SLA2: variants seen among roughly 807,000 people sequenced by gnomAD.
SLA2 encodes src-like-adapter 2.
SLA2 carries 22 observed loss-of-function variants against 27.3 expected under a neutral mutation model. The ratio of observed to expected loss-of-function variants is 0.81; its 90% CI spans 0.58 to 1.15. The LOEUF is 1.15. SLA2 is among the 50% of genes most tolerant of loss of function. The probability of loss-of-function intolerance (pLI) is 0.00; values close to 1 mark genes in which losing one functional copy is unlikely to be tolerated. For synonymous variants in SLA2, 131 were observed against 137.8 expected, an observed-to-expected ratio of 0.95 and a Z score of 0.34; for missense variants, 304 against 322.2, an observed-to-expected ratio of 0.94 and a Z score of 0.43.
Position 36,641,279 on chromosome 20 carries a change from AGAG to A in SLA2, c.54_56del (p.Ser19del), listed in dbSNP as rs762165716. 7.3e-4 allele frequency: 1,178 copies of A among 1,614,146 alleles called. 1 individual carries two copies. The highest frequency in any genetic ancestry group is 9.4e-4 in the Non-Finnish European group (1,111 of 1,179,976). ...TGGTCACAGGTCCCTGGCCTTGGAC[AGAG>A]GAACTCAAGCTTGGGCTTGGCAGAG... On this transcript the variant is annotated inframe_deletion, in exon 2 of 8. Transcript: ENST00000262866.
chr20:36,636,188 C>T (rs977618583), intron 2 of SLA2, among the ~76,000 whole-genome samples: 2 of 150,944 alleles, frequency 1.3e-5, no homozygotes, highest in African/African-American at 2.5e-5. Context: ...GAGGCCGAGG[C>T]GGGTGGATCA....
chr20:36,639,247 C>T (rs140205127), intron 2 of SLA2, among the ~76,000 whole-genome samples: 4 of 152,274 alleles, frequency 2.6e-5, no homozygotes, highest in East Asian at 3.9e-4. Flanking sequence ...ACAAGACTGA[C>T]GTCCTTTGAG....
chr20:36,619,699 C>G (rs1250790787), intron 5 of SLA2, among the ~76,000 whole-genome samples: 1 of 149,982 alleles, frequency 6.7e-6, no homozygotes, highest in Non-Finnish European at 1.5e-5. Context: ...GGCGCCATCT[C>G]GGCTCACTGC....
At chr20:36,632,048 C>G (rs746226356) in intron 5 of SLA2, among the ~76,000 whole-genome samples, 3 of 152,190 alleles carry the variant, frequency 2.0e-5, no homozygotes, top group Non-Finnish European at 2.9e-5. Flanking sequence ...AGGTGGCCCA[C>G]AGAACACACT....
chr20:36,633,533 G>T lies in SLA2; in HGVS notation c.278+10C>A. ...AAGCTCTGCAAGGCGGGCCTGGGGT[G>T]GGAACTCACCCATGGGAGACTTTGG... On this transcript the variant is annotated intron_variant, in intron 4 of 7. Coordinates refer to ENST00000262866, the MANE Select transcript of SLA2 (RefSeq NM_032214.4). The T allele has an allele frequency of 6.2e-7, 1 of 1,611,588 alleles. No homozygotes were observed. The highest frequency in any genetic ancestry group is 8.5e-7 in the Non-Finnish European group (1 of 1,177,678).
intron 2 of SLA2, among the ~76,000 whole-genome samples, chr20:36,637,573 A>G (rs1385625764): frequency 6.6e-6 from 1 of 150,390 alleles, no homozygotes; most frequent in Non-Finnish European, 1.5e-5. Flanking sequence ...ACATATTTGC[A>G]GGCACATTGA....
intron 2 of SLA2, among the ~76,000 whole-genome samples, chr20:36,639,654 C>T (rs1291186511): frequency 6.6e-6 from 1 of 151,244 alleles, no homozygotes; most frequent in African/African-American, 2.4e-5. Context: ...GAGATTGAGA[C>T]CATCCTGGCT....
chr20:36,629,586 C>G (rs1295548848), intron 5 of SLA2, among the ~76,000 whole-genome samples: 1 of 151,920 alleles, frequency 6.6e-6, no homozygotes, highest in Non-Finnish European at 1.5e-5. Context: ...TCAGCCTGGC[C>G]AACATGATGA....
chr20:36,618,272 A>G (rs1398711477), intron 5 of SLA2, among the ~76,000 whole-genome samples: 3 of 152,042 alleles, frequency 2.0e-5, no homozygotes, highest in Non-Finnish European at 2.9e-5. Context: ...CAGACAATAG[A>G]ATTCAAAAGA....
intron 2 of SLA2, among the ~76,000 whole-genome samples, chr20:36,639,121 C>T (rs558198212): frequency 5.3e-5 from 8 of 152,344 alleles, no homozygotes; most frequent in Admixed American, 2.0e-4. Context: ...GCTAGGATTA[C>T]AGGCGTGAGC....
intron 2 of SLA2, among the ~76,000 whole-genome samples, chr20:36,635,424 G>A (rs1160599727): frequency 2.0e-5 from 3 of 151,154 alleles, no homozygotes; most frequent in African/African-American, 7.3e-5. Flanking sequence ...TTCAGATGGA[G>A]CTGGGACCCC....
chr20:36,637,705 C>A (rs1271137070), intron 2 of SLA2, among the ~76,000 whole-genome samples: 1 of 137,480 alleles, frequency 7.3e-6, no homozygotes, highest in Non-Finnish European at 1.5e-5. Flanking sequence ...TGGCTCACTG[C>A]AATCTTGACC....
intron 4 of SLA2, among the ~76,000 whole-genome samples, chr20:36,633,313 C>T (rs2039411086): frequency 6.6e-6 from 1 of 152,110 alleles, no homozygotes; most frequent in Non-Finnish European, 1.5e-5. Context: ...CCTCCAAAGC[C>T]CAGAGCTCCA....
chr20:36,617,198 A>G (rs555292764), intron 5 of SLA2, among the ~76,000 whole-genome samples: 1 of 149,946 alleles, frequency 6.7e-6, no homozygotes, highest in East Asian at 1.9e-4. Context: ...CCTCTACTAA[A>G]AATACAAAAA....
rs137927615 is a variant in SLA2 at position 36,635,239 on chromosome 20, G to A, written c.92-650C>T. 3.5e-4 allele frequency among the ~76,000 whole-genome samples: 53 copies of A among 151,920 alleles called. No individual in the cohort carries two copies. In the East Asian group the frequency reaches 9.9e-3, roughly 28 times the overall value. On this transcript the variant is annotated intron_variant, in intron 2 of 7. Transcript: ENST00000262866. Reference sequence around the variant, plus strand: ...ATCCAGGTTTCAGCAGCTGCTGAAGGCCACTCACTGCACCCTAGCATCCCT... The same window carrying A: ...ATCCAGGTTTCAGCAGCTGCTGAAGACCACTCACTGCACCCTAGCATCCCT...
intron 2 of SLA2, 147 bp from the exon 3 acceptor site, chr20:36,634,736 C>G (rs2039427475): frequency 3.9e-6 from 2 of 513,606 alleles, no homozygotes; most frequent in Middle Eastern, 3.6e-4. Context: ...AGAGGGCCAC[C>G]CTGGAATCAA....
At position 36,632,211 on chromosome 20, in the gene SLA2, ACCT is replaced by A. The variant is rs376165030; in HGVS notation, c.382+381_382+383del. ...CTGTGCTGGAGCTTGCTCACTTCTA[ACCT>A]CCTATTGTCCCGAGGTGCAGCCCAC... On this transcript the variant is annotated intron_variant, in intron 5 of 7. Coordinates refer to ENST00000262866, the MANE Select transcript of SLA2 (RefSeq NM_032214.4). Among the ~76,000 whole-genome samples, 23 of 151,898 alleles carry A rather than the reference ACCT, an allele frequency of 1.5e-4. 1 individual carries two copies. In the East Asian group the frequency reaches 4.5e-3, roughly 30 times the overall value.
At chr20:36,616,159 G>A (rs1049233300) in intron 5 of SLA2, among the ~76,000 whole-genome samples, 8 of 152,136 alleles carry the variant, frequency 5.3e-5, no homozygotes, top group Non-Finnish European at 1.0e-4. Flanking sequence ...AGTGAAGCAT[G>A]AGAGGGGGCT....
At chr20:36,626,520 T>TG (rs2039339892) in intron 5 of SLA2, among the ~76,000 whole-genome samples, 1 of 146,350 alleles carries the variant, frequency 6.8e-6, no homozygotes, top group South Asian at 2.2e-4. Flanking sequence ...GCCGAGATAG[T>TG]GCCACCGCAC....
Sources: allele counts gnomAD v4.1 joint callset (sites outside exome capture counted in the v4.1 genomes callset), GRCh38; gene constraint gnomAD v4.1.1; transcripts MANE v1.5; gene names NCBI Gene and HGNC (gene_info 2026-07-23, HGNC 2026-07-21).